ATXN10: variants seen among roughly 807,000 people sequenced by gnomAD.
ATXN10 encodes the protein ataxin-10.
Under a neutral mutation model 52.9 loss-of-function variants are expected in ATXN10, and 28 were observed. That is an observed-to-expected ratio of 0.53 (90% CI 0.39 to 0.73). The LOEUF (loss-of-function observed/expected upper bound fraction) is 0.73, where lower values mean the gene tolerates loss of function less well. Ranked by LOEUF, ATXN10 falls within the 30% of genes least tolerant of loss-of-function variation. ATXN10 has a pLI of 0.00. For missense variants in ATXN10, 565 were observed against 577.0 expected, an observed-to-expected ratio of 0.98 and a Z score of 0.21; for synonymous variants, 226 against 221.5, an observed-to-expected ratio of 1.02 and a Z score of -0.18.
intron 10 of ATXN10, among the ~76,000 whole-genome samples, chr22:45,813,956 A>G (rs959485056): frequency 1.3e-5 from 2 of 152,246 alleles, no homozygotes; most frequent in African/African-American, 4.8e-5. Flanking sequence ...AAGTTCACTG[A>G]GAAAAGGATG....
intron 9 of ATXN10, among the ~76,000 whole-genome samples, chr22:45,771,244 G>A (rs147186765): frequency 3.1e-4 from 47 of 152,154 alleles, no homozygotes; most frequent in Admixed American, 1.0e-3. Context: ...TCCATACAAT[G>A]GAATACAACT....
chr22:45,768,405 A>G (rs148815136), intron 9 of ATXN10, among the ~76,000 whole-genome samples: 224 of 152,318 alleles, frequency 1.5e-3, no homozygotes, highest in Non-Finnish European at 2.5e-3. Flanking sequence ...AATGCAGTGG[A>G]TTGAAACACA....
chr22:45,773,490 G>A (rs995508048), intron 9 of ATXN10, among the ~76,000 whole-genome samples: 3 of 151,262 alleles, frequency 2.0e-5, no homozygotes, highest in Non-Finnish European at 2.9e-5. Context: ...TAGGTGTCTC[G>A]CTCTGTCACC....
In ATXN10 at chr22:45,708,163, T is replaced by C. The variant is rs1924112525; in HGVS notation, c.647+5316T>C. On this transcript the variant is annotated intron_variant, in intron 5 of 11. Transcript: ENST00000252934. This position sits in a 1 kb window ranked among gnomAD's most constrained non-coding sequence, Gnocchi z 5.3. The stretch of plus-strand genomic sequence containing the variant: ...TATTGGGATAATGTCTTTCTAAAAA[T>C]GTCTGTTCTTTTGTTTGTAGGTGTG... Among the ~76,000 whole-genome samples, 1 of 152,220 alleles carries C rather than the reference T, an allele frequency of 6.6e-6. No individual in the cohort carries two copies. The highest frequency in any genetic ancestry group is 1.5e-5 in the Non-Finnish European group (1 of 68,034).
At position 45,729,550 on chromosome 22, in the gene ATXN10, C is replaced by T. The variant is rs1253113693; in HGVS notation, c.854C>T (p.Thr285Ile). Residue 285 changes from threonine to isoleucine, a missense_variant, in exon 7 of 12, where the codon ACT becomes ATT. Coordinates refer to ENST00000252934, the MANE Select transcript of ATXN10 (RefSeq NM_013236.4). Reference sequence around the variant, plus strand: ...AGCACCTTTGTGGATCAGTGCAAGACTGTGCTCAAGCTGGCCTCTGAGGAG... The same window carrying T: ...AGCACCTTTGTGGATCAGTGCAAGATTGTGCTCAAGCTGGCCTCTGAGGAG... ...IASTFVDQCK[T>I]VLKLASEEPP... 2.5e-5 allele frequency: 41 copies of T among 1,614,044 alleles called. No individual in the cohort carries two copies. Among genetic ancestry groups the T allele is most frequent in the Non-Finnish European group, 2.5e-5 (29 of 1,180,034 alleles).
chr22:45,736,715 A>G (rs1367786754), intron 7 of ATXN10, among the ~76,000 whole-genome samples: 2 of 152,188 alleles, frequency 1.3e-5, no homozygotes, highest in East Asian at 3.9e-4. Context: ...AATTCGTTCC[A>G]GAGGCATATT....
In ATXN10 at chr22:45,684,866, T is replaced by C. The variant is rs766218811; in HGVS notation, c.117-4846T>C. 7.2e-5 allele frequency among the ~76,000 whole-genome samples: 11 copies of C among 152,218 alleles called. No individual in the cohort carries two copies. The highest frequency in any genetic ancestry group is 1.3e-4 in the Non-Finnish European group (9 of 68,042). On this transcript the variant is annotated intron_variant, in intron 1 of 11. Transcript: ENST00000252934. The surrounding 1 kb of genome is among the most constrained non-coding windows in gnomAD (Gnocchi z 4.1). ...ATACAGATGTTTTTATTTTCTGTTT[T>C]TGTTCAATCCTGCCCAGTCAAATCA...
Position 45,677,844 on chromosome 22 carries a change from C to T in ATXN10, c.116+5665C>T, listed in dbSNP as rs1922763944. 6.6e-6 allele frequency: 1 copy of T among 152,074 alleles called. No individual in the cohort carries two copies. Among genetic ancestry groups the T allele is most frequent in the Admixed American group, 6.6e-5 (1 of 15,260 alleles). The allele number at this position is 152,074 out of a possible 1,614,324, so 9.4% of individuals were successfully genotyped here. A position where few individuals can be genotyped will look rare whatever the true frequency, so the allele number is the denominator to read the frequency against. On this transcript the variant is annotated intron_variant, in intron 1 of 11. Transcript: ENST00000252934. This position sits in a 1 kb window ranked among gnomAD's most constrained non-coding sequence, Gnocchi z 4.1. ...CGTTGAGGATGTGGGGAAATGGGAA[C>T]CCTTGTGTGTTGCTAGTGGACATGT...
At chr22:45,788,754 G>A (rs1288960640) in intron 9 of ATXN10, among the ~76,000 whole-genome samples, 1 of 151,980 alleles carries the variant, frequency 6.6e-6, no homozygotes, top group Non-Finnish European at 1.5e-5. Context: ...ACTCCTGAGC[G>A]ATCCTCCCAC....
rs1475511203 is a variant in ATXN10 at position 45,759,225 on chromosome 22, C to T, written c.1173+18687C>T. Among the ~76,000 whole-genome samples, 2 of 152,234 alleles carry T rather than the reference C, an allele frequency of 1.3e-5. No individual in the cohort carries two copies. Among genetic ancestry groups the T allele is most frequent in the East Asian group, 3.9e-4 (2 of 5,160 alleles). On this transcript the variant is annotated intron_variant, in intron 9 of 11. Transcript: ENST00000252934. This position sits in a 1 kb window ranked among gnomAD's most constrained non-coding sequence, Gnocchi z 5.4. ...GGACAATGATAAATAGTAAAAGATT[C>T]TAGAGTCCGGGCATGGTGGTTCACA... is the stretch of plus-strand genomic sequence containing the variant.
At chr22:45,711,181 G>A (rs758174417) in intron 5 of ATXN10, among the ~76,000 whole-genome samples, 1 of 151,572 alleles carries the variant, frequency 6.6e-6, no homozygotes, top group East Asian at 1.9e-4. Flanking sequence ...ATACTATTCA[G>A]CAATAAAAAG....
Position 45,764,224 on chromosome 22 carries a change from C to A in ATXN10, c.1173+23686C>A, listed in dbSNP as rs193223932. Among the ~76,000 whole-genome samples the A allele has an allele frequency of 2.0e-5, 3 of 152,138 alleles. No homozygotes were observed. The East Asian group carries it at 5.8e-4, about 30-fold the overall frequency. On this transcript the variant is annotated intron_variant, in intron 9 of 11. Coordinates refer to ENST00000252934, the MANE Select transcript of ATXN10 (RefSeq NM_013236.4). ...TCCCTCTCTGCAGGGTTAGATCCAC[C>A]GCTACCCCCCAGCCCCCACCCCCAC...
chr22:45,760,666 G>A (rs1416921853), intron 9 of ATXN10: 9 of 154,214 alleles, frequency 5.8e-5, no homozygotes, highest in African/African-American at 2.2e-4. Flanking sequence ...ACAGTTCTGA[G>A]TATTCGTCTC....
intron 9 of ATXN10, among the ~76,000 whole-genome samples, chr22:45,752,536 AGGGGTT>A (rs903192498): frequency 1.6e-3 from 75 of 47,738 alleles, no homozygotes; most frequent in South Asian, 5.2e-3. Flanking sequence ...GTGGCACCTG[AGGGGTT>A]GGGGTTGGGG....
intron 5 of ATXN10, among the ~76,000 whole-genome samples, chr22:45,704,447 T>G (rs1206489166): frequency 1.3e-5 from 2 of 152,168 alleles, no homozygotes; most frequent in African/African-American, 4.8e-5. Flanking sequence ...TTAGGCCTTT[T>G]AAATTTTCGT....
intron 10 of ATXN10, among the ~76,000 whole-genome samples, chr22:45,808,406 G>A (rs1264195538): frequency 6.6e-6 from 1 of 152,162 alleles, no homozygotes; most frequent in Non-Finnish European, 1.5e-5. Flanking sequence ...TGCGTCTTTG[G>A]CTTTTAGCAA....
At chr22:45,692,920 T>G in intron 2 of ATXN10, 76 bp from the exon 3 acceptor site, 2 of 1,186,124 alleles carry the variant, frequency 1.7e-6, no homozygotes, top group Non-Finnish European at 2.5e-6. Flanking sequence ...AGCTCTCCCA[T>G]TGTAGTGCAA....
chr22:45,753,951 C>T (rs1392155743), intron 9 of ATXN10, among the ~76,000 whole-genome samples: 1 of 152,224 alleles, frequency 6.6e-6, no homozygotes, highest in Non-Finnish European at 1.5e-5. Flanking sequence ...CAAAAGCCAC[C>T]TACTTGTTTG....
chr22:45,815,413 T>TG (rs1256695496), intron 10 of ATXN10, among the ~76,000 whole-genome samples: 1 of 152,174 alleles, frequency 6.6e-6, no homozygotes, highest in Non-Finnish European at 1.5e-5. Context: ...GAAGTACACG[T>TG]GAAAGAACTT....
Sources: gnomAD v4.1 joint callset for allele counts (sites outside exome capture counted in the v4.1 genomes callset) on GRCh38, gnomAD v4.1.1 for gene constraint, Gnocchi (gnomAD v3.1) non-coding constraint, MANE v1.5 for transcripts, NCBI Gene and HGNC (gene_info 2026-07-23, HGNC 2026-07-21) for gene names.